Variants in RBFOX3 observed in about 807,000 individuals in gnomAD.
RBFOX3 encodes the protein RNA binding fox-1 homolog 3.
RBFOX3 carries 17 observed loss-of-function variants against 48.7 expected under a neutral mutation model. The ratio of observed to expected loss-of-function variants is 0.35; its 90% confidence interval spans 0.24 to 0.52. The LOEUF (loss-of-function observed/expected upper bound fraction) is 0.52, where lower values mean the gene tolerates loss of function less well. Among genes scored for constraint, RBFOX3 ranks in the 20% least tolerant of loss-of-function variants. The pLI, the probability that RBFOX3 is intolerant of heterozygous loss-of-function variation, is 0.94. For synonymous variants in RBFOX3, 212 were observed against 209.5 expected (o/e 1.01, Z -0.10); for missense variants, 382 against 497.5 (o/e 0.77, Z 2.21).
intron 1 of RBFOX3, among the ~76,000 whole-genome samples, chr17:79,505,182 C>G: frequency 6.6e-6 from 1 of 152,128 alleles, no homozygotes; most frequent in Non-Finnish European, 1.5e-5. Flanking sequence ...GGAACTCTAT[C>G]AGCTATTAGC....
rs1404831022 is a variant in RBFOX3 at position 79,205,054 on chromosome 17, T to C, written c.-34+30712A>G. ...CTGCAGTACCATATCCAGTTCCAGG[T>C]CTAAGGCAGTTCTCCAGTCAGAGCC... On this transcript the variant is annotated intron_variant, in intron 4 of 14. Coordinates refer to ENST00000693108, the MANE Select transcript of RBFOX3 (RefSeq NM_001350451.2). This position sits in a 1 kb window ranked among gnomAD's most constrained non-coding sequence, Gnocchi z 4.5. Among the ~76,000 whole-genome samples the C allele has an allele frequency of 6.6e-6, 1 of 152,118 alleles. No homozygotes were observed. Among genetic ancestry groups the C allele is most frequent in the Non-Finnish European group, 1.5e-5 (1 of 68,026 alleles).
intron 13 of RBFOX3, among the ~76,000 whole-genome samples, chr17:79,095,113 G>C (rs1056379852): frequency 2.4e-4 from 36 of 152,174 alleles, no homozygotes; most frequent in African/African-American, 8.7e-4. Context: ...GCGGTCCCCA[G>C]ACCAGAGTGG....
chr17:79,397,354 C>G (rs920716835), intron 2 of RBFOX3, among the ~76,000 whole-genome samples: 1 of 151,928 alleles, frequency 6.6e-6, no homozygotes, highest in African/African-American at 2.4e-5. Flanking sequence ...TTAGCTGGGC[C>G]TGGTGGCGCA....
chr17:79,315,259 C>T, intron 2 of RBFOX3, among the ~76,000 whole-genome samples: 2 of 152,354 alleles, frequency 1.3e-5, no homozygotes, highest in East Asian at 3.9e-4. Context: ...CTAGTGATGG[C>T]CTCCAGACTC....
intron 2 of RBFOX3, among the ~76,000 whole-genome samples, chr17:79,336,489 C>G (rs1186141271): frequency 6.6e-6 from 1 of 152,232 alleles, no homozygotes; most frequent in Non-Finnish European, 1.5e-5. Flanking sequence ...AAGCTGAAGT[C>G]CCCTGTCCAG....
intron 4 of RBFOX3, among the ~76,000 whole-genome samples, chr17:79,207,846 T>A (rs74902499): frequency 0.027 from 4,119 of 152,322 alleles, 137 homozygotes; most frequent in East Asian, 0.18. Flanking sequence ...TTCTTGCTCA[T>A]CCTCAGCTCT....
chr17:79,345,455 T>C (rs2082753243), intron 2 of RBFOX3, among the ~76,000 whole-genome samples: 1 of 152,234 alleles, frequency 6.6e-6, no homozygotes, highest in South Asian at 2.1e-4. Flanking sequence ...ATAAGAAGCC[T>C]GATGATCATT....
At chr17:79,528,404 T>G (rs2087127355) in intron 1 of RBFOX3, among the ~76,000 whole-genome samples, 1 of 148,252 alleles carries the variant, frequency 6.7e-6, no homozygotes, top group African/African-American at 2.6e-5. Context: ...GAGGAGGATC[T>G]TAGTTGAAAC....
intron 4 of RBFOX3, among the ~76,000 whole-genome samples, chr17:79,124,616 G>A (rs934677586): frequency 6.6e-6 from 1 of 151,918 alleles, no homozygotes; most frequent in African/African-American, 2.4e-5. Context: ...GACAGAGAGG[G>A]ATGGCACCAG....
In RBFOX3 at chr17:79,204,089, G is replaced by A. The variant is rs1599957610; in HGVS notation, c.-34+31677C>T. Reference sequence around the variant, plus strand: ...TGGAGAACCAGCAAAGACCTCAACTGAGAAATTTTCTCATGAGATAACACT... The same window carrying A: ...TGGAGAACCAGCAAAGACCTCAACTAAGAAATTTTCTCATGAGATAACACT... On this transcript the variant is annotated intron_variant, in intron 4 of 14. Transcript: ENST00000693108. This position sits in a 1 kb window ranked among gnomAD's most constrained non-coding sequence, Gnocchi z 4.5. 6.6e-6 allele frequency among the ~76,000 whole-genome samples: 1 copy of A among 152,180 alleles called. No individual in the cohort carries two copies. The highest frequency in any genetic ancestry group is 2.1e-4 in the South Asian group (1 of 4,834).
intron 2 of RBFOX3, among the ~76,000 whole-genome samples, chr17:79,326,527 T>C (rs2079357824): frequency 6.6e-6 from 1 of 152,186 alleles, no homozygotes. Flanking sequence ...CATAATCTTA[T>C]TCTTACTTTA....
At chr17:79,623,791 C>T in the RBFOX3 span, among the ~76,000 whole-genome samples, 1 of 148,396 alleles carries the variant, frequency 6.7e-6, no homozygotes, top group Non-Finnish European at 1.5e-5. Context: ...CACTGCACTC[C>T]AGCCTGAGCA....
intron 1 of RBFOX3, among the ~76,000 whole-genome samples, chr17:79,508,367 G>A (rs1469774901): frequency 3.3e-5 from 5 of 152,152 alleles, no homozygotes; most frequent in African/African-American, 1.2e-4. Flanking sequence ...CATTGGGGGC[G>A]TCCTGAGCCG....
chr17:79,610,495 A>T (rs1412308394), intron 1 of RBFOX3, among the ~76,000 whole-genome samples: 1 of 151,634 alleles, frequency 6.6e-6, no homozygotes, highest in Non-Finnish European at 1.5e-5. Context: ...TGCCACCGCC[A>T]CGCAGCGCGC....
At chr17:79,352,960 T>C (rs902306222) in intron 2 of RBFOX3, among the ~76,000 whole-genome samples, 1 of 152,170 alleles carries the variant, frequency 6.6e-6, no homozygotes, top group Non-Finnish European at 1.5e-5. Flanking sequence ...GGCAGACAGA[T>C]GGGAAAGTTT....
intron 2 of RBFOX3, among the ~76,000 whole-genome samples, chr17:79,314,510 C>T (rs1301397792): frequency 6.6e-6 from 1 of 152,218 alleles, no homozygotes; most frequent in Admixed American, 6.5e-5. Context: ...AGACAGGAGA[C>T]AGCCACCAAG....
intron 3 of RBFOX3, among the ~76,000 whole-genome samples, chr17:79,275,846 G>A (rs71387908): frequency 6.6e-6 from 1 of 152,212 alleles, no homozygotes; most frequent in Admixed American, 6.5e-5. Context: ...CAGAGCCACC[G>A]GAGGACCCAG....
At chr17:79,306,800 G>A (rs1415231159) in intron 3 of RBFOX3, among the ~76,000 whole-genome samples, 3 of 152,204 alleles carry the variant, frequency 2.0e-5, no homozygotes, top group Non-Finnish European at 4.4e-5. Flanking sequence ...CCAGCTCCAC[G>A]GGCACCTGGG....
intron 2 of RBFOX3, among the ~76,000 whole-genome samples, chr17:79,356,368 T>TTTTGTTTTTG (rs2085075264): frequency 4.1e-5 from 4 of 97,736 alleles, no homozygotes; most frequent in African/African-American, 7.7e-5. Flanking sequence ...TTTTTTTTTT[T>TTTTGTTTTTG]TTTTTTTTTT....
Sources: allele counts gnomAD v4.1 joint callset (sites outside exome capture counted in the v4.1 genomes callset), GRCh38; gene constraint gnomAD v4.1.1; non-coding constraint Gnocchi (gnomAD v3.1); transcripts MANE v1.5; gene names NCBI Gene and HGNC (gene_info 2026-07-23, HGNC 2026-07-21).